The following EGFR variants were observed in gnomAD, a reference collection of about 807,000 sequenced individuals.
EGFR encodes avian erythroblastic leukemia viral (v-erb-b) oncogene homolog.
A neutral mutation model predicts 143.0 loss-of-function variants in EGFR; 58 were observed. The ratio of observed to expected loss-of-function variants is 0.41; its 90% CI spans 0.33 to 0.50. The LOEUF (loss-of-function observed/expected upper bound fraction) is 0.50, where lower values mean the gene tolerates loss of function less well. EGFR is among the 20% of genes least tolerant of loss of function. The pLI, the probability that EGFR is intolerant of heterozygous loss-of-function variation, is 0.39. For missense variants in EGFR, 1,307 were observed against 1,579.0 expected (o/e 0.83, Z 2.92); for synonymous variants, 613 against 594.4 (o/e 1.03, Z -0.45).
At chr7:55,194,098 C>CA (rs1253752465) in intron 22 of EGFR, among the ~76,000 whole-genome samples, 3 of 152,170 alleles carry the variant, frequency 2.0e-5, no homozygotes, top group Admixed American at 1.3e-4. Context: ...TGCCCCAAGC[C>CA]ATTTATTTTG....
chr7:55,177,913 G>A (rs1786670730), intron 19 of EGFR, among the ~76,000 whole-genome samples: 1 of 152,268 alleles, frequency 6.6e-6, no homozygotes, highest in African/African-American at 2.4e-5. Context: ...TTTAGCTTCT[G>A]CGTACACCGA....
intron 1 of EGFR, among the ~76,000 whole-genome samples, chr7:55,054,032 C>G (rs1424154962): frequency 6.7e-6 from 1 of 149,174 alleles, no homozygotes; most frequent in African/African-American, 2.4e-5. Context: ...GAATATTTTC[C>G]ATGTGTGTTA....
chr7:55,110,360 T>C (rs1792399891), intron 1 of EGFR, among the ~76,000 whole-genome samples: 1 of 152,132 alleles, frequency 6.6e-6, no homozygotes. Context: ...CCCAAGAAGA[T>C]AATAAAGCAG....
chr7:55,173,997 A>G lies in EGFR; in HGVS notation c.2138A>G (p.Lys713Arg), dbSNP rs373578289. Residue 713 changes from lysine (K) to arginine (R), a missense_variant, in exon 18 of 28, where the codon AAA becomes AGA. Transcript: ENST00000275493. ...AGGATCTTGAAGGAAACTGAATTCA[A>G]AAAGATCAAAGTGCTGGGCTCCGGT... The part of the protein sequence containing the change: ...LLRILKETEF[K>R]KIKVLGSGAF... 6.2e-7 allele frequency: 1 copy of G among 1,614,240 alleles called. No individual in the cohort carries two copies. The highest frequency in any genetic ancestry group is 8.5e-7 in the Non-Finnish European group (1 of 1,180,050).
chr7:55,146,494 T>C, intron 3 of EGFR, 112 bp from the exon 4 acceptor site: 1 of 1,543,338 alleles, frequency 6.5e-7, no homozygotes, highest in Non-Finnish European at 8.8e-7. Context: ...GGGACTCTTG[T>C]TCGCACCATG....
chr7:55,070,807 A>G (rs1043450050), intron 1 of EGFR, among the ~76,000 whole-genome samples: 9 of 152,248 alleles, frequency 5.9e-5, no homozygotes, highest in Non-Finnish European at 1.3e-4. Context: ...AGACAGAACC[A>G]TTGCTGAGCT....
chr7:55,195,215 G>A (rs945682637), intron 22 of EGFR, among the ~76,000 whole-genome samples: 3 of 152,170 alleles, frequency 2.0e-5, no homozygotes, highest in African/African-American at 7.2e-5. Context: ...TTGGGGGCAG[G>A]GGATGACACA....
In EGFR at chr7:55,165,264, C is replaced by G. The variant is rs2128946013; in HGVS notation, c.1723-16C>G. On this transcript the variant is annotated splice_polypyrimidine_tract_variant and intron_variant, in intron 14 of 27. Transcript: ENST00000275493. ...GAAAGAGACATGCATGAACATTTTT[C>G]TCCACCTTGGTGCAGGGACCAGACA... is the stretch of plus-strand genomic sequence containing the variant. The G allele has an allele frequency of 6.2e-7, 1 of 1,614,048 alleles. No homozygotes were observed. Among genetic ancestry groups the G allele is most frequent in the South Asian group, 1.1e-5 (1 of 91,084 alleles).
chr7:55,079,295 A>G (rs939599540), intron 1 of EGFR, among the ~76,000 whole-genome samples: 13 of 152,114 alleles, frequency 8.5e-5, no homozygotes, highest in African/African-American at 2.9e-4. Context: ...CCAGGCATGC[A>G]CACTCAGAGT....
At chr7:55,028,457 C>A (rs1787061991) in intron 1 of EGFR, among the ~76,000 whole-genome samples, 1 of 152,182 alleles carries the variant, frequency 6.6e-6, no homozygotes, top group East Asian at 1.9e-4. Flanking sequence ...ATTTTCTGAT[C>A]ATTGTATACC....
At chr7:55,036,274 G>GGGT (rs1787571563) in intron 1 of EGFR, among the ~76,000 whole-genome samples, 1 of 86,112 alleles carries the variant, frequency 1.2e-5, no homozygotes, top group African/African-American at 4.3e-5. Flanking sequence ...GTGTGTGTGG[G>GGGT]GGGGGGGGGG....
At chr7:55,173,781 A>C (rs911855510) in intron 17 of EGFR, 140 bp from the exon 18 acceptor site, 3 of 1,349,318 alleles carry the variant, frequency 2.2e-6, no homozygotes, top group Non-Finnish European at 3.2e-6. Flanking sequence ...TGTCCTTCCA[A>C]ATGAGCTGGC....
intron 1 of EGFR, among the ~76,000 whole-genome samples, chr7:55,083,880 A>C (rs1583995980): frequency 6.6e-6 from 1 of 152,226 alleles, no homozygotes; most frequent in South Asian, 2.1e-4. Flanking sequence ...TGAGTGCCTC[A>C]GGTTTTTGGA....
intron 1 of EGFR, among the ~76,000 whole-genome samples, chr7:55,126,417 C>T (rs773229042): frequency 5.3e-5 from 8 of 152,160 alleles, no homozygotes; most frequent in African/African-American, 9.7e-5. Context: ...CAACAATCCA[C>T]GAGGGAGGCA....
At chr7:55,139,104 A>G (rs958426908) in intron 1 of EGFR, among the ~76,000 whole-genome samples, 1 of 152,208 alleles carries the variant, frequency 6.6e-6, no homozygotes, top group South Asian at 2.1e-4. Flanking sequence ...TGCATTGGTG[A>G]TTAAGTTTCC....
chr7:55,204,411 C>CCA, intron 27 of EGFR, among the ~76,000 whole-genome samples: 1 of 149,296 alleles, frequency 6.7e-6, no homozygotes, highest in East Asian at 2.0e-4. Flanking sequence ...CATATACACA[C>CCA]CACACACCAT....
At chr7:55,041,303 C>T (rs915499904) in intron 1 of EGFR, among the ~76,000 whole-genome samples, 6 of 152,052 alleles carry the variant, frequency 3.9e-5, no homozygotes, top group Non-Finnish European at 7.4e-5. Flanking sequence ...CCCAGCTATT[C>T]GGGAGGCGGA....
At chr7:55,083,763 A>C (rs1334434242) in intron 1 of EGFR, among the ~76,000 whole-genome samples, 4 of 152,248 alleles carry the variant, frequency 2.6e-5, no homozygotes, top group Admixed American at 2.6e-4. Flanking sequence ...GACATGCATT[A>C]ATGTTTAAAT....
chr7:55,072,964 C>T (rs975707585), intron 1 of EGFR, among the ~76,000 whole-genome samples: 2 of 152,158 alleles, frequency 1.3e-5, no homozygotes, highest in African/African-American at 4.8e-5. Context: ...TGAAATTTCT[C>T]ATGTTAGCCT....
Sources: gnomAD v4.1 joint callset for allele counts (sites outside exome capture counted in the v4.1 genomes callset) on GRCh38, gnomAD v4.1.1 for gene constraint, MANE v1.5 for transcripts, NCBI Gene and HGNC (gene_info 2026-07-23, HGNC 2026-07-21) for gene names.